The following MICAL3 variants were observed in gnomAD, a reference collection of about 807,000 sequenced individuals.
MICAL3 encodes microtubule associated monooxygenase, calponin and LIM domain containing 3, also known as [F-actin]-monooxygenase MICAL3.
A neutral mutation model predicts 207.4 loss-of-function variants in MICAL3; 62 were observed. That is an observed-to-expected ratio of 0.30 (90% confidence interval 0.24 to 0.37). MICAL3 has a LOEUF of 0.37. Among genes scored for constraint, MICAL3 ranks in the 10% least tolerant of loss-of-function variants. MICAL3 has a pLI of 1.00. For missense variants in MICAL3, 2,368 were observed against 2,635.6 expected (o/e 0.90, Z 2.22); for synonymous variants, 1,077 against 1,069.3 (o/e 1.01, Z -0.14).
At chr22:17,861,310 G>T in intron 19 of MICAL3, 1 of 984,126 alleles carries the variant, frequency 1.0e-6, no homozygotes, top group Non-Finnish European at 1.2e-6. Flanking sequence ...AATGTCTGGG[G>T]ACAGGGGTCA....
intron 12 of MICAL3, 71 bp downstream of exon 12, chr22:17,891,414 G>A: frequency 1.4e-6 from 2 of 1,423,342 alleles, no homozygotes; most frequent in Non-Finnish European, 2.0e-6. Context: ...AGGACAAAAT[G>A]TTACTTGATA....
intron 1 of MICAL3, among the ~76,000 whole-genome samples, chr22:17,930,392 A>G (rs1399790998): frequency 6.6e-6 from 1 of 152,260 alleles, no homozygotes; most frequent in African/African-American, 2.4e-5. Context: ...ATACTCAAAA[A>G]TTGGAAACAT....
At position 17,855,731 on chromosome 22, in the gene MICAL3, T is replaced by A. The variant is rs192976391; in HGVS notation, c.2605+9168A>T. Among the ~76,000 whole-genome samples, 1,047 of 152,388 alleles carry A rather than the reference T, an allele frequency of 6.9e-3. 6 individuals are homozygous for A. Among genetic ancestry groups the A allele is most frequent in the South Asian group, 0.017 (82 of 4,830 alleles). ...ACCTCAGTGATGAAATCCTTTGCCT[T>A]TATTTAATGTGCTGTCTTTCCAGAG... On this transcript the variant is annotated intron_variant, in intron 19 of 31. Coordinates refer to ENST00000441493, the MANE Select transcript of MICAL3 (RefSeq NM_015241.3).
At chr22:17,874,164 T>C (rs1279996585) in intron 16 of MICAL3, among the ~76,000 whole-genome samples, 1 of 152,224 alleles carries the variant, frequency 6.6e-6, no homozygotes, top group Non-Finnish European at 1.5e-5. Context: ...GAAGCAATTA[T>C]AGCTTTTAAT....
chr22:17,977,297 A>T (rs1285002553), intron 1 of MICAL3, among the ~76,000 whole-genome samples: 1 of 152,224 alleles, frequency 6.6e-6, no homozygotes, highest in Non-Finnish European at 1.5e-5. Context: ...GGTAACGGAT[A>T]GGGAACTTGT....
At chr22:17,865,090 TTTA>T (rs1926939721) in intron 18 of MICAL3, 104 bp from the exon 19 acceptor site, 1 of 316,424 alleles carries the variant, frequency 3.2e-6, no homozygotes, top group African/African-American at 3.2e-5. Flanking sequence ...TTAAATTTTA[TTTA>T]TTTATTTATT....
chr22:17,826,977 G>A (rs1306456119), intron 22 of MICAL3, among the ~76,000 whole-genome samples: 2 of 152,214 alleles, frequency 1.3e-5, no homozygotes, highest in Non-Finnish European at 2.9e-5. Flanking sequence ...AAATGTGCAC[G>A]CACAGAAGTG....
chr22:17,923,250 C>T (rs1932839652), intron 1 of MICAL3, among the ~76,000 whole-genome samples: 1 of 152,184 alleles, frequency 6.6e-6, no homozygotes, highest in African/African-American at 2.4e-5. Context: ...CACCCCTTGC[C>T]CTAGGGGTGA....
At chr22:17,799,238 TG>T (rs946160250) in intron 29 of MICAL3, among the ~76,000 whole-genome samples, 2 of 151,958 alleles carry the variant, frequency 1.3e-5, no homozygotes, top group African/African-American at 4.8e-5. Context: ...CAAAATTAGC[TG>T]GGTGTGGTGG....
At chr22:17,887,944 G>A (rs180800504) in intron 13 of MICAL3, among the ~76,000 whole-genome samples, 17 of 152,274 alleles carry the variant, frequency 1.1e-4, no homozygotes, top group Admixed American at 9.8e-4. Context: ...TTGTAAGAAC[G>A]TCATGGCTAA....
intron 16 of MICAL3, among the ~76,000 whole-genome samples, chr22:17,880,607 T>C (rs982771435): frequency 6.6e-6 from 1 of 152,212 alleles, no homozygotes; most frequent in Non-Finnish European, 1.5e-5. Context: ...AACAATGCCA[T>C]CCTACAAACA....
chr22:17,809,722 G>C (rs1445217105), intron 28 of MICAL3, among the ~76,000 whole-genome samples: 1 of 152,162 alleles, frequency 6.6e-6, no homozygotes, highest in Admixed American at 6.5e-5. Flanking sequence ...AATGGGAGGA[G>C]AGCTCTGACC....
At position 17,893,824 on chromosome 22, in the gene MICAL3, G is replaced by A; in HGVS notation, c.1530C>T (p.Pro510=). ...AGAACTCACCATTGCGAGTCAATTT[G>A]GGGGTGGTTCGGGAATTCACCAGGC... ...MESLVNSRTT[P]KLTRNESVAR... Residue 510 remains proline (P), a synonymous_variant, in exon 11 of 32, where the codon CCC becomes CCT. Transcript: ENST00000441493. 1 of 1,575,004 alleles carries A rather than the reference G, an allele frequency of 6.3e-7. No individual in the cohort carries two copies. The highest frequency in any genetic ancestry group is 8.6e-7 in the Non-Finnish European group (1 of 1,158,722).
intron 1 of MICAL3, among the ~76,000 whole-genome samples, chr22:17,981,726 C>T (rs1346098477): frequency 2.0e-5 from 3 of 152,022 alleles, no homozygotes; most frequent in African/African-American, 4.8e-5. Context: ...ATGGCACAGG[C>T]GATGCTAAGG....
intron 1 of MICAL3, among the ~76,000 whole-genome samples, chr22:17,994,143 C>T (rs9618179): frequency 0.31 from 47,897 of 152,086 alleles, 8,912 homozygotes; most frequent in African/African-American, 0.52. Flanking sequence ...CCAGGTGCTG[C>T]TCTCCCACCC....
intron 1 of MICAL3, among the ~76,000 whole-genome samples, chr22:17,963,573 G>A (rs1360799774): frequency 6.6e-6 from 1 of 152,070 alleles, no homozygotes; most frequent in Non-Finnish European, 1.5e-5. Context: ...CAACCCCAAG[G>A]AGAGGAGGGC....
chr22:17,895,489 A>G, intron 9 of MICAL3, 79 bp from the exon 10 acceptor site: 1 of 1,522,718 alleles, frequency 6.6e-7, no homozygotes, highest in Non-Finnish European at 9.0e-7. Context: ...TTGTTCTGAC[A>G]GCGCAGCAAG....
At chr22:17,908,531 T>A (rs1215414443) in intron 1 of MICAL3, among the ~76,000 whole-genome samples, 1 of 152,084 alleles carries the variant, frequency 6.6e-6, no homozygotes. Flanking sequence ...ATGGTCTCAA[T>A]CTCCTGACCT....
At chr22:17,838,017 C>G (rs1923583668) in intron 20 of MICAL3, among the ~76,000 whole-genome samples, 1 of 152,212 alleles carries the variant, frequency 6.6e-6, no homozygotes, top group Admixed American at 6.5e-5. Flanking sequence ...GTTGCAGAGT[C>G]TGATCTTGAA....
Sources: gnomAD v4.1 joint callset for allele counts (sites outside exome capture counted in the v4.1 genomes callset) on GRCh38, gnomAD v4.1.1 for gene constraint, MANE v1.5 for transcripts, NCBI Gene and HGNC (gene_info 2026-07-23, HGNC 2026-07-21) for gene names.